Variants in MYO3A observed in about 807,000 individuals in gnomAD.
MYO3A encodes myosin-IIIa.
MYO3A carries 180 observed loss-of-function variants against 192.7 expected under a neutral mutation model. The ratio of observed to expected loss-of-function variants is 0.93; its 90% CI spans 0.83 to 1.06. MYO3A has a LOEUF of 1.06. Among genes scored for constraint, MYO3A ranks in the 50% least tolerant of loss-of-function variants. The probability of loss-of-function intolerance (pLI) is 0.00; values close to 1 mark genes in which losing one functional copy is unlikely to be tolerated. For missense variants in MYO3A, 1,896 were observed against 1,905.0 expected (o/e 1.00, Z 0.09); for synonymous variants, 628 against 645.3 (o/e 0.97, Z 0.41).
chr10:25,960,818 A>G, intron 4 of MYO3A, among the ~76,000 whole-genome samples: 1 of 152,120 alleles, frequency 6.6e-6, no homozygotes, highest in East Asian at 1.9e-4. Context: ...AAGAAAATTA[A>G]CATGTAAGTG....
At chr10:26,133,772 T>G (rs1475040658) in intron 20 of MYO3A, among the ~76,000 whole-genome samples, 3 of 152,154 alleles carry the variant, frequency 2.0e-5, no homozygotes, top group African/African-American at 7.2e-5. Flanking sequence ...TTTTCAGAAG[T>G]TTTGATAAAA....
rs1199914193 is a variant in MYO3A at position 26,059,760 on chromosome 10, T to C, written c.954-7215T>C. Among the ~76,000 whole-genome samples the C allele has an allele frequency of 3.3e-5, 5 of 152,274 alleles. No homozygotes were observed. In the East Asian group the frequency reaches 9.6e-4, roughly 29 times the overall value. On this transcript the variant is annotated intron_variant, in intron 10 of 34. Transcript: ENST00000642920. Reference sequence around the variant, plus strand: ...TCATTGATTGTACAACCTGGATTTTTTTCCACATTCAGTAACCCCACAACA... The same window carrying C: ...TCATTGATTGTACAACCTGGATTTTCTTCCACATTCAGTAACCCCACAACA...
chr10:25,997,350 A>G, intron 6 of MYO3A, 92 bp downstream of exon 6: 1 of 985,510 alleles, frequency 1.0e-6, no homozygotes, highest in South Asian at 1.3e-5. Flanking sequence ...CTTTCTAGGT[A>G]TTGGAAATAG....
intron 31 of MYO3A, among the ~76,000 whole-genome samples, chr10:26,185,329 CTTTTTTTTT>C (rs61581382): frequency 2.3e-4 from 15 of 63,856 alleles, no homozygotes; most frequent in East Asian, 5.6e-4. Flanking sequence ...TTCCAGGATT[CTTTTTTTTT>C]TTTTTTTTTT....
intron 20 of MYO3A, among the ~76,000 whole-genome samples, chr10:26,130,717 A>G (rs1839484085): frequency 6.6e-6 from 1 of 152,206 alleles, no homozygotes; most frequent in South Asian, 2.1e-4. Flanking sequence ...GTTGAGTATG[A>G]TCAGATTGCT....
At position 26,061,120 on chromosome 10, in the gene MYO3A, G is replaced by A. The variant is rs528428870; in HGVS notation, c.954-5855G>A. ...ATTTTTTTGTATTTTTAGTAGAGAC[G>A]GGGTTTCACCGTGTTAGCCAGGATG... On this transcript the variant is annotated intron_variant, in intron 10 of 34. Coordinates refer to ENST00000642920, the MANE Select transcript of MYO3A (RefSeq NM_017433.5). Among the ~76,000 whole-genome samples the A allele has an allele frequency of 4.2e-3, 636 of 152,010 alleles. 3 individuals carry two copies. Among genetic ancestry groups the A allele is most frequent in the Admixed American group, 7.6e-3 (116 of 15,250 alleles).
chr10:26,128,348 C>T, intron 19 of MYO3A, 43 bp from the exon 20 acceptor site: 1 of 1,589,622 alleles, frequency 6.3e-7, no homozygotes, highest in East Asian at 2.2e-5. Flanking sequence ...TACATTACCT[C>T]TTCAGGAAAT....
intron 14 of MYO3A, among the ~76,000 whole-genome samples, chr10:26,081,895 G>T (rs545678255): frequency 9.5e-5 from 13 of 136,844 alleles, no homozygotes; most frequent in Non-Finnish European, 1.5e-4. Flanking sequence ...CACTTCTGCA[G>T]TTGGGACACT....
At chr10:25,977,333 C>A (rs1839019096) in intron 4 of MYO3A, among the ~76,000 whole-genome samples, 1 of 152,118 alleles carries the variant, frequency 6.6e-6, no homozygotes, top group Non-Finnish European at 1.5e-5. Flanking sequence ...AACCACTGAT[C>A]CTACTTTGGT....
chr10:25,973,255 AATTC>A (rs1838768942), intron 4 of MYO3A, among the ~76,000 whole-genome samples: 1 of 152,022 alleles, frequency 6.6e-6, no homozygotes, highest in African/African-American at 2.4e-5. Flanking sequence ...CGTGAATGGG[AATTC>A]ATTCATGATT....
At chr10:25,996,922 C>G (rs1840482786) in intron 5 of MYO3A, among the ~76,000 whole-genome samples, 2 of 152,144 alleles carry the variant, frequency 1.3e-5, no homozygotes, top group Non-Finnish European at 2.9e-5. Flanking sequence ...GAAACTCACA[C>G]ATTTGTAATA....
chr10:26,070,168 A>T lies in MYO3A; in HGVS notation c.1228A>T (p.Met410Leu). ...TGCCAGTCCTCCTCACATTTTTGCA[A>T]TGGCTGACTTAGGATATCAATCTAT... ...RTASPPHIFA[M>L]ADLGYQSMIT... The change falls in exon 13 of 35, where the codon ATG (methionine) becomes TTG (leucine). Residue 410 changes from methionine (M) to leucine (L), a missense_variant. Physicochemically the swap from Met to Leu is conservative, Grantham distance 15. Transcript: ENST00000642920. 6.2e-7 allele frequency: 1 copy of T among 1,612,654 alleles called. No individual in the cohort carries two copies. Among genetic ancestry groups the T allele is most frequent in the Non-Finnish European group, 8.5e-7 (1 of 1,178,820 alleles).
chr10:25,941,016 C>G (rs1358325151), intron 2 of MYO3A, among the ~76,000 whole-genome samples: 2 of 152,154 alleles, frequency 1.3e-5, no homozygotes, highest in East Asian at 3.9e-4. Context: ...TTATTTTCTT[C>G]TCAAATTCTG....
chr10:25,993,407 T>A (rs1284080023), intron 4 of MYO3A, among the ~76,000 whole-genome samples: 2 of 151,868 alleles, frequency 1.3e-5, no homozygotes, highest in East Asian at 3.9e-4. Context: ...TCTTTTCTTC[T>A]TTAATAGTCT....
At position 26,196,770 on chromosome 10, in the gene MYO3A, AT is replaced by A. The variant is rs138454358; in HGVS notation, c.4545+3467del. The stretch of plus-strand genomic sequence containing the variant: ...GACCCAGGGTCACTTAAGTGAATGA[AT>A]TTTTTTTAACTTTTTTTAATGTTTT... On this transcript the variant is annotated intron_variant, in intron 32 of 34. Transcript: ENST00000642920. 7.7e-4 allele frequency among the ~76,000 whole-genome samples: 117 copies of A among 152,026 alleles called. 2 individuals are homozygous for A. The East Asian group carries it at 0.017, about 23-fold the overall frequency.
intron 23 of MYO3A, among the ~76,000 whole-genome samples, chr10:26,148,447 T>C (rs1313052415): frequency 6.6e-6 from 1 of 152,178 alleles, no homozygotes; most frequent in East Asian, 1.9e-4. Context: ...TAACCTGACT[T>C]TGTTCTTATT....
Position 25,959,769 on chromosome 10 carries a change from A to G in MYO3A, c.303+4761A>G, listed in dbSNP as rs1243141169. Among the ~76,000 whole-genome samples, 10 of 151,376 alleles carry G rather than the reference A, an allele frequency of 6.6e-5. No homozygotes were observed. The Admixed American group carries it at 6.6e-4, about 10-fold the overall frequency. On this transcript the variant is annotated intron_variant, in intron 4 of 34. Transcript: ENST00000642920. ...TCTTGAATCCCTCCAGTTCAGTGTCAGCAGGGAACAAAATTTCCAGTCTCT... is the reference window on the plus strand; with the variant it reads ...TCTTGAATCCCTCCAGTTCAGTGTCGGCAGGGAACAAAATTTCCAGTCTCT...
intron 23 of MYO3A, among the ~76,000 whole-genome samples, chr10:26,150,719 G>C (rs951273098): frequency 6.6e-6 from 1 of 152,076 alleles, no homozygotes; most frequent in Non-Finnish European, 1.5e-5. Context: ...ATTCTTGATA[G>C]ATTTCCTAGA....
chr10:25,956,848 G>A (rs75545748), intron 4 of MYO3A, among the ~76,000 whole-genome samples: 9,730 of 152,072 alleles, frequency 0.064, 405 homozygotes, highest in Non-Finnish European at 0.094. Context: ...AAGGTGTTAA[G>A]CCTAGTTCCC....
Sources: gnomAD v4.1 joint callset for allele counts (sites outside exome capture counted in the v4.1 genomes callset) on GRCh38, gnomAD v4.1.1 for gene constraint, MANE v1.5 for transcripts, NCBI Gene and HGNC (gene_info 2026-07-23, HGNC 2026-07-21) for gene names.